Variants in ACAD10 observed in about 807,000 individuals in gnomAD.
ACAD10 encodes ACAD-10.
A neutral mutation model predicts 116.8 loss-of-function variants in ACAD10; 112 were observed. The observed-to-expected ratio is 0.96, with a 90% CI of 0.82 to 1.12. The LOEUF (loss-of-function observed/expected upper bound fraction) is 1.12, where lower values mean the gene tolerates loss of function less well. Among genes scored for constraint, ACAD10 ranks in the 50% most tolerant of loss-of-function variants. The pLI is 0.00. For synonymous variants in ACAD10, 486 were observed against 510.6 expected (o/e 0.95, Z 0.65); for missense variants, 1,259 against 1,350.2 (o/e 0.93, Z 1.06).
At chr12:111,724,796 G>GA (rs1219059085) in intron 8 of ACAD10, among the ~76,000 whole-genome samples, 9 of 147,826 alleles carry the variant, frequency 6.1e-5, no homozygotes, top group Non-Finnish European at 1.2e-4. Context: ...AAGAGAGGGA[G>GA]GGGAGACCGT....
chr12:111,694,816 A>G (rs977054475), intron 2 of ACAD10, among the ~76,000 whole-genome samples: 11 of 152,170 alleles, frequency 7.2e-5, no homozygotes, highest in African/African-American at 2.4e-4. Context: ...GCTTGAGCAC[A>G]GGAGTTCAAG....
intron 2 of ACAD10, among the ~76,000 whole-genome samples, chr12:111,698,455 T>C (rs1431348022): frequency 2.7e-5 from 4 of 150,580 alleles, no homozygotes; most frequent in Non-Finnish European, 5.9e-5. Flanking sequence ...CGTGAATTGC[T>C]CACTTTTCTT....
At chr12:111,739,780 G>A (rs185058310) in intron 12 of ACAD10, among the ~76,000 whole-genome samples, 6 of 151,826 alleles carry the variant, frequency 4.0e-5, no homozygotes, top group African/African-American at 9.6e-5. Flanking sequence ...TGGGGGGAGC[G>A]GGGAGAGACT....
intron 1 of ACAD10, chr12:111,690,910 A>G (rs1490793741): frequency 6.6e-6 from 1 of 152,106 alleles, no homozygotes; most frequent in Non-Finnish European, 1.5e-5. Context: ...GTAAACTCAG[A>G]TGCTGTCTTA....
intron 6 of ACAD10, among the ~76,000 whole-genome samples, chr12:111,714,116 A>G (rs2135959779): frequency 6.7e-6 from 1 of 149,844 alleles, no homozygotes; most frequent in South Asian, 2.1e-4. Flanking sequence ...ATGGTGGCAC[A>G]TGCCTGTAGC....
intron 1 of ACAD10, among the ~76,000 whole-genome samples, chr12:111,692,348 C>G (rs1363864637): frequency 6.6e-6 from 1 of 152,082 alleles, no homozygotes; most frequent in Non-Finnish European, 1.5e-5. Context: ...GGCAAGGGGG[C>G]CAGTTAGGAT....
At chr12:111,708,974 T>C (rs1888590148) in intron 4 of ACAD10, among the ~76,000 whole-genome samples, 1 of 151,874 alleles carries the variant, frequency 6.6e-6, no homozygotes, top group Non-Finnish European at 1.5e-5. Context: ...GGAGTATGGA[T>C]GGGTTTTTAA....
Position 111,748,361 on chromosome 12 carries a change from A to G in ACAD10, c.2530A>G (p.Thr844Ala), listed in dbSNP as rs763692004. ...CCAACTCTGTGTGTTTATGGGAAAA[A>G]CAGACCCACATGCACCAAGACACCG... is the stretch of plus-strand genomic sequence containing the variant. Reference protein sequence around the residue: ...RCQLCVFMGKTDPHAPRHRQQ... With the variant: ...RCQLCVFMGKADPHAPRHRQQ... The change falls in exon 17 of 21, where the codon ACA becomes GCA. Residue 844 changes from threonine to alanine, a missense_variant. Coordinates refer to ENST00000313698, the MANE Select transcript of ACAD10 (RefSeq NM_025247.6). 17 of 1,614,064 alleles carry G rather than the reference A, an allele frequency of 1.1e-5. 1 individual carries two copies. Among genetic ancestry groups the G allele is most frequent in the South Asian group, 6.6e-5 (6 of 91,078 alleles).
At chr12:111,724,111 C>T (rs1177362528) in intron 8 of ACAD10, among the ~76,000 whole-genome samples, 1 of 150,410 alleles carries the variant, frequency 6.6e-6, no homozygotes, top group East Asian at 2.0e-4. Context: ...GATGGGATGG[C>T]GTCTGGGCGG....
Position 111,725,406 on chromosome 12 carries a change from C to T in ACAD10, c.1062-2556C>T, listed in dbSNP as rs572746226. Among the ~76,000 whole-genome samples the T allele has an allele frequency of 2.7e-4, 41 of 152,174 alleles. No individual in the cohort carries two copies. In the East Asian group the frequency reaches 2.7e-3, roughly 10 times the overall value. On this transcript the variant is annotated intron_variant, in intron 8 of 20. Transcript: ENST00000313698. ...ACACCTGTAGTCCTACCTACTTACC[C>T]GGAAGATTGTGGTGGGAGGATCACC...
chr12:111,721,528 A>T, intron 7 of ACAD10, 143 bp from the exon 8 acceptor site: 2 of 639,000 alleles, frequency 3.1e-6, no homozygotes, highest in South Asian at 2.4e-5. Flanking sequence ...AGATCGTGCC[A>T]CTGCACTCCA....
intron 7 of ACAD10, among the ~76,000 whole-genome samples, chr12:111,717,590 CAG>C (rs1279743116): frequency 1.4e-5 from 2 of 147,878 alleles, no homozygotes; most frequent in South Asian, 2.1e-4. Context: ...TTTTTTTAGG[CAG>C]AGTGTCACTA....
In ACAD10 at chr12:111,746,083, A is replaced by G. The variant is rs11066019; in HGVS notation, c.2116-61A>G. ...CCTCCAATCCCTTTCATTGTTTTCC[A>G]CGGTTCAAAATAAAATGAAATCTTC... On this transcript the variant is annotated intron_variant, in intron 13 of 20. Coordinates refer to ENST00000313698, the MANE Select transcript of ACAD10 (RefSeq NM_025247.6). 61,519 of 1,576,828 alleles carry G rather than the reference A, an allele frequency of 0.039. 11,613 individuals carry two copies. In the East Asian group the frequency reaches 0.65, roughly 17 times the overall value.
intron 5 of ACAD10, chr12:111,710,307 C>T (rs186488391): frequency 1.6e-4 from 71 of 453,714 alleles, no homozygotes; most frequent in African/African-American, 1.2e-3. Flanking sequence ...AAGCTGGTGT[C>T]GAACTCCTGG....
chr12:111,756,438 A>C lies in ACAD10; in HGVS notation c.3145A>C (p.Thr1049Pro), dbSNP rs753847748. Residue 1049 changes from threonine to proline, a missense_variant, in exon 21 of 21, where the codon ACG (threonine) becomes CCG (proline). Thr to Pro is a conservative substitution (Grantham distance 38). Transcript: ENST00000313698. ...CGGCCCTGACGAGGTGCACCGGGCC[A>C]CGGTGGCCAAGCTAGAGCTGAAGCA... ...ADGPDEVHRATVAKLELKHRI is the reference protein window; with the variant it reads ...ADGPDEVHRAPVAKLELKHRI 1.2e-6 allele frequency: 2 copies of C among 1,612,672 alleles called. No homozygotes were observed. Among genetic ancestry groups the C allele is most frequent in the Non-Finnish European group, 1.7e-6 (2 of 1,179,880 alleles).
chr12:111,704,561 T>C (rs1888442114), intron 3 of ACAD10, among the ~76,000 whole-genome samples: 1 of 152,226 alleles, frequency 6.6e-6, no homozygotes, highest in East Asian at 1.9e-4. Context: ...GCATGGCATG[T>C]GAATTAGAGT....
chr12:111,738,394 C>T (rs1481003063), intron 12 of ACAD10, among the ~76,000 whole-genome samples: 5 of 141,308 alleles, frequency 3.5e-5, no homozygotes, highest in East Asian at 2.2e-4. Context: ...TGCAGTGAGC[C>T]GAGATCGTGC....
intron 13 of ACAD10, 195 bp downstream of exon 13, chr12:111,745,238 T>A: frequency 3.1e-6 from 2 of 655,224 alleles, no homozygotes; most frequent in Non-Finnish European, 5.1e-6. Flanking sequence ...TGTGCCTGTG[T>A]CACAGGCAGA....
chr12:111,737,636 A>AGCTCGC (rs1889608317), intron 12 of ACAD10, among the ~76,000 whole-genome samples: 1 of 152,218 alleles, frequency 6.6e-6, no homozygotes, highest in Non-Finnish European at 1.5e-5. Flanking sequence ...TTCCTCAAAG[A>AGCTCGC]TAAATGTTAC....
Sources: gnomAD v4.1 joint callset for allele counts (sites outside exome capture counted in the v4.1 genomes callset) on GRCh38, gnomAD v4.1.1 for gene constraint, MANE v1.5 for transcripts, NCBI Gene and HGNC (gene_info 2026-07-23, HGNC 2026-07-21) for gene names.